The following TMEFF1 variants were observed in gnomAD, a reference collection of about 807,000 sequenced individuals.
The protein encoded by TMEFF1 is transmembrane protein with EGF like and two follistatin like domains 1.
Under a neutral mutation model 47.5 loss-of-function variants are expected in TMEFF1, and 20 were observed. The observed-to-expected ratio is 0.42, with a 90% confidence interval of 0.30 to 0.61. The LOEUF is 0.61. Among genes scored for constraint, TMEFF1 ranks in the 20% least tolerant of loss-of-function variants. TMEFF1 has a pLI of 0.19. For missense variants in TMEFF1, 411 were observed against 471.1 expected (o/e 0.87, Z 1.18); for synonymous variants, 162 against 166.3 (o/e 0.97, Z 0.20).
At chr9:100,529,096 A>G (rs1183913030) in intron 5 of TMEFF1, among the ~76,000 whole-genome samples, 2,224 of 150,136 alleles carry the variant, frequency 0.015, 52 homozygotes, top group African/African-American at 0.05. Context: ...AGGAAGCGCT[A>G]AACATGGAAA....
intron 5 of TMEFF1, among the ~76,000 whole-genome samples, chr9:100,535,305 A>T (rs1310852277): frequency 6.6e-6 from 1 of 152,026 alleles, no homozygotes; most frequent in African/African-American, 2.4e-5. Flanking sequence ...GAAATCTGTT[A>T]TGCTTAGTGA....
intron 1 of TMEFF1, among the ~76,000 whole-genome samples, chr9:100,488,763 A>G (rs548688974): frequency 8.4e-4 from 128 of 152,334 alleles, no homozygotes; most frequent in African/African-American, 3.0e-3. Context: ...TAAGTGGTAG[A>G]GCCGGGATGC....
In TMEFF1 at chr9:100,576,850, A is replaced by G. The variant is rs955659323; in HGVS notation, c.*250A>G. The G allele has an allele frequency of 3.1e-5, 10 of 325,554 alleles. No individual in the cohort carries two copies. The highest frequency in any genetic ancestry group is 1.3e-4 in the African/African-American group (6 of 46,672). The allele number at this position is 325,554 out of a possible 1,614,324, so 20.2% of individuals were successfully genotyped here. ...TAATTCTAAGACTTGTTCTTTACCC[A>G]TGGAATGTAATATTTTTGCAAAGAT... On this transcript the variant is annotated 3_prime_UTR_variant, in exon 10 of 10. Coordinates refer to ENST00000374879, the MANE Select transcript of TMEFF1 (RefSeq NM_003692.5).
In TMEFF1 at chr9:100,480,854, A is replaced by G. The variant is rs188968633; in HGVS notation, c.196+7114A>G. 2.0e-5 allele frequency among the ~76,000 whole-genome samples: 3 copies of G among 152,354 alleles called. No individual in the cohort carries two copies. In the East Asian group the frequency reaches 5.8e-4, roughly 29 times the overall value. ...ATCACTCTTGTATATGTTTGAAAAG[A>G]GGATTTCCACTGTACAAGGTGCCCT... On this transcript the variant is annotated intron_variant, in intron 1 of 9. Transcript: ENST00000374879.
intron 5 of TMEFF1, among the ~76,000 whole-genome samples, chr9:100,531,527 C>T (rs1838377448): frequency 6.6e-6 from 1 of 152,088 alleles, no homozygotes; most frequent in Admixed American, 6.5e-5. Context: ...ATCCAACTTA[C>T]AAGGGATGTG....
At chr9:100,556,161 G>A (rs754204898) in intron 7 of TMEFF1, among the ~76,000 whole-genome samples, 2 of 152,086 alleles carry the variant, frequency 1.3e-5, no homozygotes, top group Non-Finnish European at 2.9e-5. Flanking sequence ...CAGTTGCCTG[G>A]TGGGTCCTTG....
In TMEFF1 at chr9:100,473,833, C is replaced by G; in HGVS notation, c.196+93C>G. On this transcript the variant is annotated intron_variant, in intron 1 of 9. Coordinates refer to ENST00000374879, the MANE Select transcript of TMEFF1 (RefSeq NM_003692.5). This position sits in a 1 kb window ranked among gnomAD's most constrained non-coding sequence, Gnocchi z 5.4. ...CGGTCGGCCGGGCTGGGAAAGACCC[C>G]GTCGTGGGGGTCCCAGGGGTGGGCC... The G allele has an allele frequency of 1.5e-6, 2 of 1,345,058 alleles. No individual in the cohort carries two copies. Among genetic ancestry groups the G allele is most frequent in the South Asian group, 1.7e-5 (1 of 57,480 alleles). The allele number at this position is 1,345,058 out of a possible 1,614,324, so 83.3% of individuals were successfully genotyped here. A position where few individuals can be genotyped will look rare whatever the true frequency, so the allele number is the denominator to read the frequency against.
rs184598821 is a variant in TMEFF1 at position 100,564,400 on chromosome 9, G to A, written c.899+2880G>A. Among the ~76,000 whole-genome samples the A allele has an allele frequency of 3.3e-5, 5 of 152,256 alleles. No homozygotes were observed. In the East Asian group the frequency reaches 9.7e-4, roughly 29 times the overall value. ...TGATTTATTTTTTGATTGATTGATT[G>A]GTTGATTGACTTATTAATGCCAAAT... On this transcript the variant is annotated intron_variant, in intron 8 of 9. Transcript: ENST00000374879.
intron 1 of TMEFF1, among the ~76,000 whole-genome samples, chr9:100,486,662 G>A (rs1225267833): frequency 6.6e-6 from 1 of 152,070 alleles, no homozygotes; most frequent in Non-Finnish European, 1.5e-5. Context: ...TTGAGACAAT[G>A]TCTCCCTCTG....
Position 100,561,541 on chromosome 9 carries a change from C to T in TMEFF1, c.899+21C>T, listed in dbSNP as rs1321690025. ...TGTAGGTAAGTCAGCGCTTCCAGAT[C>T]AGTGGTGAGCATTTTTTTTCATCAA... On this transcript the variant is annotated intron_variant, in intron 8 of 9. Transcript: ENST00000374879. 7 of 1,595,736 alleles carry T rather than the reference C, an allele frequency of 4.4e-6. No individual in the cohort carries two copies. In the East Asian group the frequency reaches 1.6e-4, roughly 36 times the overall value.
chr9:100,555,909 A>T (rs1483028756), intron 7 of TMEFF1, among the ~76,000 whole-genome samples: 1 of 152,182 alleles, frequency 6.6e-6, no homozygotes, highest in Non-Finnish European at 1.5e-5. Context: ...CATTTTGCAG[A>T]TGAAGAAACT....
intron 5 of TMEFF1, among the ~76,000 whole-genome samples, chr9:100,519,297 A>G (rs1334226076): frequency 2.0e-5 from 3 of 151,984 alleles, no homozygotes; most frequent in Non-Finnish European, 4.4e-5. Context: ...AGTCCCAGCT[A>G]CTCGGGAGGC....
At chr9:100,500,404 C>T (rs1414795385) in intron 2 of TMEFF1, among the ~76,000 whole-genome samples, 1 of 152,148 alleles carries the variant, frequency 6.6e-6, no homozygotes, top group African/African-American at 2.4e-5. Context: ...CCTTTTGATA[C>T]TGTCTCAAGG....
intron 5 of TMEFF1, among the ~76,000 whole-genome samples, chr9:100,527,399 G>A (rs1321316696): frequency 1.3e-5 from 2 of 152,216 alleles, no homozygotes; most frequent in South Asian, 2.1e-4. Context: ...TGCGTGAGCC[G>A]AAGCAGGGCG....
chr9:100,487,154 T>G (rs1837465903), intron 1 of TMEFF1, among the ~76,000 whole-genome samples: 1 of 151,984 alleles, frequency 6.6e-6, no homozygotes, highest in African/African-American at 2.4e-5. Context: ...TTTAAAAAAT[T>G]TTTAATTTTT....
chr9:100,568,102 A>G (rs1839160047), intron 8 of TMEFF1, among the ~76,000 whole-genome samples: 1 of 152,166 alleles, frequency 6.6e-6, no homozygotes. Flanking sequence ...ACTATTCAAG[A>G]TGGGATTGGG....
chr9:100,516,855 G>A, intron 5 of TMEFF1, 84 bp downstream of exon 5: 4 of 1,467,738 alleles, frequency 2.7e-6, no homozygotes, highest in Non-Finnish European at 3.6e-6. Context: ...TCATTTACCT[G>A]GTTCTGTATC....
At chr9:100,528,466 C>T (rs1189790852) in intron 5 of TMEFF1, among the ~76,000 whole-genome samples, 6 of 146,262 alleles carry the variant, frequency 4.1e-5, no homozygotes, top group Middle Eastern at 3.5e-3. Context: ...GGAGCCGATG[C>T]GATCAACTGG....
chr9:100,512,871 A>T (rs1471660263), intron 3 of TMEFF1, among the ~76,000 whole-genome samples: 1 of 147,100 alleles, frequency 6.8e-6, no homozygotes, highest in Non-Finnish European at 1.5e-5. Flanking sequence ...CCTTAAGAAG[A>T]TTTTTTTTTT....
Sources: gnomAD v4.1 joint callset for allele counts (sites outside exome capture counted in the v4.1 genomes callset) on GRCh38, gnomAD v4.1.1 for gene constraint, Gnocchi (gnomAD v3.1) non-coding constraint, MANE v1.5 for transcripts, NCBI Gene and HGNC (gene_info 2026-07-23, HGNC 2026-07-21) for gene names.